Variants in PNPLA6 observed in about 807,000 individuals in gnomAD.
PNPLA6 encodes the protein patatin-like phospholipase domain-containing protein 6.
A neutral mutation model predicts 153.7 loss-of-function variants in PNPLA6; 105 were observed. The observed-to-expected ratio is 0.68, with a 90% CI of 0.58 to 0.80. PNPLA6 has a LOEUF of 0.80. PNPLA6 is among the 30% of genes least tolerant of loss of function. PNPLA6 has a pLI of 0.00. For missense variants in PNPLA6, 1,423 were observed against 1,919.3 expected (o/e 0.74, Z 4.83); for synonymous variants, 825 against 822.2 (o/e 1.00, Z -0.06).
chr19:7,550,892 T>C, intron 16 of PNPLA6, 102 bp from the exon 17 acceptor site: 2 of 971,252 alleles, frequency 2.1e-6, no homozygotes, highest in Non-Finnish European at 1.6e-6. Context: ...ACACCCCCAT[T>C]GCAGGGGAGC....
At chr19:7,552,333 T>G (rs2023686956) in intron 18 of PNPLA6, among the ~76,000 whole-genome samples, 1 of 152,182 alleles carries the variant, frequency 6.6e-6, no homozygotes. Context: ...TACATTGTGG[T>G]GGCCAGATTC....
chr19:7,546,720 C>T (rs1336171535), intron 13 of PNPLA6, among the ~76,000 whole-genome samples: 1 of 152,074 alleles, frequency 6.6e-6, no homozygotes, highest in Non-Finnish European at 1.5e-5. Flanking sequence ...TATGTAAGGG[C>T]TTCTGTGTAG....
rs568874677 is a variant in PNPLA6 at position 7,544,268 on chromosome 19, C to A, written c.1608+1184C>A. The stretch of plus-strand genomic sequence containing the variant: ...CTGGGATTACAGGGTTGTGCCACCA[C>A]GCCTGGCTACTTTTTATATTTTTAG... On this transcript the variant is annotated intron_variant, in intron 13 of 31. Coordinates refer to ENST00000600737, the MANE Select transcript of PNPLA6 (RefSeq NM_001166114.2). Among the ~76,000 whole-genome samples the A allele has an allele frequency of 3.1e-3, 471 of 152,216 alleles. 3 individuals carry two copies. Among genetic ancestry groups the A allele is most frequent in the Non-Finnish European group, 5.2e-3 (351 of 68,016 alleles).
chr19:7,556,844 C>A, intron 26 of PNPLA6, 120 bp downstream of exon 26: 1 of 798,168 alleles, frequency 1.3e-6, no homozygotes, highest in South Asian at 1.4e-5. Flanking sequence ...CCACCCTGGC[C>A]CGATCACCGA....
chr19:7,540,786 A>T lies in PNPLA6; in HGVS notation c.795+76A>T, dbSNP rs74912258. ...AAGGGACTAGGTTGAAGGAAATCACAGGGTCCCCAATCTCTGGTTCATCCG... is the reference window on the plus strand; with the variant it reads ...AAGGGACTAGGTTGAAGGAAATCACTGGGTCCCCAATCTCTGGTTCATCCG... On this transcript the variant is annotated intron_variant, in intron 6 of 31. Transcript: ENST00000600737. The surrounding 1 kb of genome is among the most constrained non-coding windows in gnomAD (Gnocchi z 6.8). The T allele has an allele frequency of 4.5e-3, 6,999 of 1,540,416 alleles. 128 individuals carry two copies. The highest frequency in any genetic ancestry group is 0.038 in the South Asian group (3,373 of 89,532).
At chr19:7,558,816 G>A (rs1246924483) in intron 27 of PNPLA6, 34 bp from the exon 28 acceptor site, 3 of 1,576,750 alleles carry the variant, frequency 1.9e-6, no homozygotes, top group Non-Finnish European at 2.6e-6. Context: ...GGGCCCCCGA[G>A]GGGAGCAGCC....
At position 7,543,093 on chromosome 19, in the gene PNPLA6, GACCCCT is replaced by G. The variant is rs766997730; in HGVS notation, c.1608+10_1608+15del. 2.0e-4 allele frequency: 322 copies of G among 1,610,816 alleles called. No homozygotes were observed. Among genetic ancestry groups the G allele is most frequent in the Non-Finnish European group, 2.6e-4 (305 of 1,177,262 alleles). On this transcript the variant is annotated intron_variant, in intron 13 of 31. Transcript: ENST00000600737. Reference sequence around the variant, plus strand: ...CCCGCCAGGGAGACCAGGTGAGGCTGACCCCTGACCTGTAACCATGCCACCTGAGAT... The same window carrying G: ...CCCGCCAGGGAGACCAGGTGAGGCTGGACCTGTAACCATGCCACCTGAGAT...
Position 7,550,318 on chromosome 19 carries a change from G to A in PNPLA6, c.1835G>A (p.Ser612Asn), listed in dbSNP as rs936226841. 2 of 1,612,700 alleles carry A rather than the reference G, an allele frequency of 1.2e-6. No homozygotes were observed. Among genetic ancestry groups the A allele is most frequent in the African/African-American group, 2.7e-5 (2 of 74,946 alleles). The change falls in exon 15 of 32, where the codon AGT (serine) becomes AAT (asparagine). Residue 612 changes from serine (S) to asparagine (N), a missense_variant. Coordinates refer to ENST00000600737, the MANE Select transcript of PNPLA6 (RefSeq NM_001166114.2). ...TGCAGGATCATGCGCGCACAGCCCAGTGTGGTGCTGAGTGCGGCGCACACG... is the reference window on the plus strand; with the variant it reads ...TGCAGGATCATGCGCGCACAGCCCAATGTGGTGCTGAGTGCGGCGCACACG... ...DFYEIMRAQPSVVLSAAHTVA... is the reference protein window; with the variant it reads ...DFYEIMRAQPNVVLSAAHTVA...
intron 27 of PNPLA6, 111 bp from the exon 28 acceptor site, chr19:7,558,739 C>G: frequency 1.3e-6 from 1 of 788,706 alleles, no homozygotes; most frequent in Non-Finnish European, 2.1e-6. Flanking sequence ...TGGGTATTCT[C>G]TCTTTTTTTT....
At chr19:7,556,755 G>A (rs751324270) in intron 26 of PNPLA6, 31 bp downstream of exon 26, 57 of 1,531,308 alleles carry the variant, frequency 3.7e-5, no homozygotes, top group Middle Eastern at 1.7e-4. Context: ...TGCAGCAACC[G>A]CTGACGCCAC....
At chr19:7,550,895 A>G in intron 16 of PNPLA6, 99 bp from the exon 17 acceptor site, 1 of 983,224 alleles carries the variant, frequency 1.0e-6, no homozygotes, top group Non-Finnish European at 1.5e-6. Context: ...CCCCCATTGC[A>G]GGGGAGCCCT....
Position 7,558,877 on chromosome 19 carries a change from A to G in PNPLA6, c.3425A>G (p.Lys1142Arg). ...PADIARSMGA[K>R]TVIAIDVGSQ... is the part of the protein sequence containing the mutation. ...GACATCGCCCGCAGCATGGGTGCCA[A>G]AACGGTCATCGCCATTGACGTGGGG... The change falls in exon 28 of 32, where the codon AAA becomes AGA. Residue 1142 changes from lysine (K) to arginine (R), a missense_variant. Lys to Arg is a conservative substitution (Grantham distance 26). Around this residue, in one of 10 missense-constraint regions of PNPLA6, gnomAD observed 643 missense variants for 835.2 expected, o/e 0.77. Transcript: ENST00000600737. 2.5e-6 allele frequency: 4 copies of G among 1,612,504 alleles called. No individual in the cohort carries two copies.
rs758832982 is a variant in PNPLA6 at position 7,541,387 on chromosome 19, C to T, written c.958C>T (p.Leu320=). Residue 320 remains leucine, a synonymous_variant, in exon 8 of 32, where the codon CTG becomes TTG. Coordinates refer to ENST00000600737, the MANE Select transcript of PNPLA6 (RefSeq NM_001166114.2). The surrounding 1 kb of genome is among the most constrained non-coding windows in gnomAD (Gnocchi z 5.2). ...GGTGCGGCTGCAGCGAGTCACCTTC[C>T]TGGCACTGCACAACTACCTGGGTCT... The part of the protein sequence containing the change: ...IMVRLQRVTF[L]ALHNYLGLTN... The T allele has an allele frequency of 7.4e-6, 12 of 1,613,952 alleles. No individual in the cohort carries two copies. The Admixed American group carries it at 8.3e-5, about 11-fold the overall frequency.
At chr19:7,543,168 T>A (rs1342637695) in intron 13 of PNPLA6, 84 bp downstream of exon 13, 2 of 1,169,948 alleles carry the variant, frequency 1.7e-6, no homozygotes, top group East Asian at 4.7e-5. Flanking sequence ...GCCCTTTGAC[T>A]GTAAGACCAG....
chr19:7,554,117 C>T (rs1840900205), intron 19 of PNPLA6, 92 bp from the exon 20 acceptor site: 3 of 1,573,248 alleles, frequency 1.9e-6, no homozygotes. Flanking sequence ...GGGAACAGGG[C>T]CACAGGGGCG....
Position 7,535,719 on chromosome 19 carries a change from A to T in PNPLA6, c.-70A>T. 6.6e-7 allele frequency: 1 copy of T among 1,520,654 alleles called. No individual in the cohort carries two copies. The highest frequency in any genetic ancestry group is 1.2e-5 in the South Asian group (1 of 83,132). The allele number at this position is 1,520,654 out of a possible 1,614,324, so 94.2% of individuals were successfully genotyped here. On this transcript the variant is annotated 5_prime_UTR_variant, in exon 1 of 32. Transcript: ENST00000600737. This position sits in a 1 kb window ranked among gnomAD's most constrained non-coding sequence, Gnocchi z 5.0. ...GGCGGAACTACGTTTCCCGGCATGC[A>T]CTGCGGGCCGCCGGGCCTCAGGGAA...
chr19:7,542,285 C>T (rs1465406540), intron 10 of PNPLA6, among the ~76,000 whole-genome samples: 2 of 152,196 alleles, frequency 1.3e-5, no homozygotes, highest in Admixed American at 6.5e-5. Context: ...ATGTCTGCTA[C>T]AGCAGTGGCC....
chr19:7,541,885 TTAAC>T lies in PNPLA6; in HGVS notation c.1169-96_1169-93del. 1 of 1,204,524 alleles carries T rather than the reference TTAAC, an allele frequency of 8.3e-7. No homozygotes were observed. 74.6% of individuals were successfully genotyped at this position (1,204,524 alleles called of 1,614,324 possible). The stretch of plus-strand genomic sequence containing the variant: ...TCCCCAAGGGCCCATTGGAATTGCT[TTAAC>T]TAGTTAATCAGTCGCCAGCATCTCC... On this transcript the variant is annotated intron_variant, in intron 9 of 31. Coordinates refer to ENST00000600737, the MANE Select transcript of PNPLA6 (RefSeq NM_001166114.2). This position sits in a 1 kb window ranked among gnomAD's most constrained non-coding sequence, Gnocchi z 5.2.
chr19:7,554,000 G>A lies in PNPLA6; in HGVS notation c.2386G>A (p.Ala796Thr), dbSNP rs144206674. The A allele has an allele frequency of 1.8e-5, 29 of 1,611,358 alleles. No homozygotes were observed. The highest frequency in any genetic ancestry group is 2.7e-5 in the African/African-American group (2 of 74,776). Residue 796 changes from alanine to threonine, a missense_variant, in exon 19 of 32, where the codon GCC becomes ACC. Around this residue, in one of 10 missense-constraint regions of PNPLA6, gnomAD observed 643 missense variants for 835.2 expected, o/e 0.77. Transcript: ENST00000600737. ...MVAFTLELQH[A>T]LQAIGPTLLL... ...GGCCTTCACGCTGGAGCTGCAGCAC[G>A]CCCTGCAGGCCATCGGTCAGTGGGG...
Sources: allele counts gnomAD v4.1 joint callset (sites outside exome capture counted in the v4.1 genomes callset), GRCh38; gene constraint gnomAD v4.1.1; regional missense constraint gnomAD v4.1.1; non-coding constraint Gnocchi (gnomAD v3.1); transcripts MANE v1.5; gene names NCBI Gene and HGNC (gene_info 2026-07-23, HGNC 2026-07-21).